The following EXTL3 variants were observed in gnomAD, a reference collection of about 807,000 sequenced individuals.
EXTL3 encodes the protein exostosin-like 3.
Under a neutral mutation model 69.3 loss-of-function variants are expected in EXTL3, and 27 were observed. The observed-to-expected ratio is 0.39, with a 90% CI of 0.29 to 0.54. The LOEUF (loss-of-function observed/expected upper bound fraction) is 0.54. Ranked by LOEUF, EXTL3 falls within the 20% of genes least tolerant of loss-of-function variation. The pLI is 0.69. For synonymous variants in EXTL3, 511 were observed against 499.4 expected (o/e 1.02, Z -0.31); for missense variants, 1,003 against 1,231.8 (o/e 0.81, Z 2.78).
chr8:28,724,830 CTCTT>C (rs1801377116), intron 3 of EXTL3, among the ~76,000 whole-genome samples: 1 of 151,960 alleles, frequency 6.6e-6, no homozygotes, highest in Admixed American at 6.6e-5. Context: ...TGATGTAGTC[CTCTT>C]TCTATCATCT....
In EXTL3 at chr8:28,747,734, T is replaced by C. The variant is rs188849522; in HGVS notation, c.2551-2923T>C. Among the ~76,000 whole-genome samples the C allele has an allele frequency of 8.3e-3, 1,178 of 142,636 alleles. 15 individuals carry two copies. The highest frequency in any genetic ancestry group is 0.028 in the African/African-American group (1,139 of 39,974). 93.6% of individuals were successfully genotyped at this position (142,636 alleles called of 152,430 possible). A position where few individuals can be genotyped will look rare whatever the true frequency, so the allele number is the denominator to read the frequency against. On this transcript the variant is annotated intron_variant, in intron 6 of 6. Transcript: ENST00000220562. ...ATATGTATTTTTTCTTTTTCTTTTT[T>C]TTTTTTTTTTTTGAGATGGAGCCTC... is the stretch of plus-strand genomic sequence containing the variant.
intron 2 of EXTL3, among the ~76,000 whole-genome samples, chr8:28,608,425 A>G (rs1426467042): frequency 1.3e-5 from 2 of 152,152 alleles, no homozygotes; most frequent in Non-Finnish European, 2.9e-5. Flanking sequence ...GTTGGAATTC[A>G]GTCTTTGATT....
rs1209716217 is a variant in EXTL3 at position 28,716,718 on chromosome 8, C to T, written c.659C>T (p.Ala220Val). Residue 220 changes from alanine (A) to valine (V), a missense_variant, in exon 3 of 7, where the codon GCG (alanine) becomes GTG (valine). Physicochemically the swap from Ala to Val is moderately conservative, Grantham distance 64. Around this residue, in one of 2 missense-constraint regions of EXTL3, gnomAD observed 742 missense variants for 815.4 expected, o/e 0.91. Coordinates refer to ENST00000220562, the MANE Select transcript of EXTL3 (RefSeq NM_001440.4). The surrounding 1 kb of genome is among the most constrained non-coding windows in gnomAD (Gnocchi z 7.1). The part of the protein sequence containing the change: ...LDPLVKQAFQ[A>V]TARANVYVTE... ...CCCTTGGTCAAGCAGGCTTTTCAGG[C>T]GACAGCACGAGCTAACGTTTATGTT... 6.2e-6 allele frequency: 10 copies of T among 1,614,080 alleles called. No individual in the cohort carries two copies. The highest frequency in any genetic ancestry group is 2.2e-5 in the East Asian group (1 of 44,888).
At position 28,751,774 on chromosome 8, in the gene EXTL3, C is replaced by A. The variant is rs1358493593; in HGVS notation, c.*908C>A. The A allele has an allele frequency of 6.6e-6, 1 of 152,298 alleles. No homozygotes were observed. The allele number at this position is 152,298 out of a possible 1,614,324, so 9.4% of individuals were successfully genotyped here. A position where few individuals can be genotyped will look rare whatever the true frequency, so the allele number is the denominator to read the frequency against. On this transcript the variant is annotated 3_prime_UTR_variant, in exon 7 of 7. Transcript: ENST00000220562. ...AGATGGCTCTTTCTATCCTGCTCTTCTGTTGAAACACACGTGCTGTGGGCC... is the reference window on the plus strand; with the variant it reads ...AGATGGCTCTTTCTATCCTGCTCTTATGTTGAAACACACGTGCTGTGGGCC...
intron 1 of EXTL3, among the ~76,000 whole-genome samples, chr8:28,680,114 G>A (rs1018032476): frequency 2.0e-5 from 3 of 151,000 alleles, no homozygotes; most frequent in South Asian, 2.1e-4. Context: ...TTCCTCAGCC[G>A]GGCTCGGTGG....
At chr8:28,666,412 G>A (rs1304385900) in intron 1 of EXTL3, among the ~76,000 whole-genome samples, 1 of 151,964 alleles carries the variant, frequency 6.6e-6, no homozygotes, top group African/African-American at 2.4e-5. Flanking sequence ...TGAATAGCTG[G>A]GACCATGGGC....
intron 1 of EXTL3, among the ~76,000 whole-genome samples, chr8:28,641,098 C>T (rs554567209): frequency 1.8e-4 from 28 of 152,298 alleles, no homozygotes; most frequent in African/African-American, 6.0e-4. Flanking sequence ...CTGTGCTCCA[C>T]GGGTCGGGTT....
At chr8:28,726,943 A>G (rs948182301) in intron 3 of EXTL3, among the ~76,000 whole-genome samples, 14 of 143,460 alleles carry the variant, frequency 9.8e-5, no homozygotes, top group Non-Finnish European at 1.5e-4. Flanking sequence ...CAGTGGTGCA[A>G]TCTTGGCTCA....
chr8:28,705,647 C>T (rs578262267), intron 1 of EXTL3, among the ~76,000 whole-genome samples: 3 of 152,074 alleles, frequency 2.0e-5, no homozygotes, highest in South Asian at 4.2e-4. Flanking sequence ...GCCCAGGGCA[C>T]TAACGATATC....
chr8:28,734,425 C>G (rs1801603768), intron 4 of EXTL3, among the ~76,000 whole-genome samples: 2 of 152,130 alleles, frequency 1.3e-5, no homozygotes, highest in Non-Finnish European at 2.9e-5. Flanking sequence ...TTGAAAACCA[C>G]TGGAGGCCGG....
rs1453238174 is a variant in EXTL3, at chr8:28,702,380, T to TC, written c.-570+723dup. Among the ~76,000 whole-genome samples, 10 of 152,220 alleles carry TC rather than the reference T, an allele frequency of 6.6e-5. 1 individual carries two copies. Among genetic ancestry groups the TC allele is most frequent in the African/African-American group, 2.4e-4 (10 of 41,542 alleles). The stretch of plus-strand genomic sequence containing the variant: ...GCGGGGCGTGTGTGCGCGGCGGAGC[T>TC]CCGAGCCCAGCGACGGGGACAGCAC... On this transcript the variant is annotated intron_variant, in intron 1 of 6. Coordinates refer to ENST00000220562, the MANE Select transcript of EXTL3 (RefSeq NM_001440.4).
chr8:28,671,408 A>G (rs952914404), intron 1 of EXTL3, among the ~76,000 whole-genome samples: 25 of 144,564 alleles, frequency 1.7e-4, no homozygotes, highest in African/African-American at 6.4e-4. Flanking sequence ...GCAACCTCTC[A>G]AGATTTCGGC....
upstream of EXTL3, among the ~76,000 whole-genome samples, chr8:28,620,295 C>T (rs1806394008): frequency 6.6e-6 from 1 of 152,152 alleles, no homozygotes; most frequent in South Asian, 2.1e-4. Flanking sequence ...GCCAGTGCTT[C>T]CTAACATTGT....
At chr8:28,686,989 G>T (rs929625801) in intron 1 of EXTL3, among the ~76,000 whole-genome samples, 1 of 152,154 alleles carries the variant, frequency 6.6e-6, no homozygotes, top group African/African-American at 2.4e-5. Flanking sequence ...ATACAGTGGG[G>T]TCATGTAGGA....
At chr8:28,609,985 C>T (rs1386451488) in intron 2 of EXTL3, among the ~76,000 whole-genome samples, 2 of 151,488 alleles carry the variant, frequency 1.3e-5, no homozygotes, top group African/African-American at 2.4e-5. Context: ...AGGTGGATCA[C>T]CTGCGGTCAG....
At chr8:28,743,281 C>T in intron 6 of EXTL3, 67 bp downstream of exon 6, 1 of 1,548,998 alleles carries the variant, frequency 6.5e-7, no homozygotes, top group East Asian at 2.2e-5. Flanking sequence ...TGCAGTAGTG[C>T]AGCACGTAAC....
intron 1 of EXTL3, among the ~76,000 whole-genome samples, chr8:28,702,949 G>C (rs1800842950): frequency 6.6e-6 from 1 of 152,202 alleles, no homozygotes; most frequent in Admixed American, 6.5e-5. Context: ...GATAGTAACT[G>C]CGGGGCACAG....
At chr8:28,686,379 G>C (rs1024639786) in intron 1 of EXTL3, among the ~76,000 whole-genome samples, 1 of 151,694 alleles carries the variant, frequency 6.6e-6, no homozygotes, top group African/African-American at 2.4e-5. Context: ...CTTAAGAATA[G>C]GTATCACCCT....
chr8:28,667,859 A>T (rs991670003), intron 1 of EXTL3, among the ~76,000 whole-genome samples: 14 of 131,578 alleles, frequency 1.1e-4, no homozygotes, highest in Non-Finnish European at 1.7e-4. Flanking sequence ...ATTAAAGTAT[A>T]AAAAAAAAAA....
Sources: gnomAD v4.1 joint callset for allele counts (sites outside exome capture counted in the v4.1 genomes callset) on GRCh38, gnomAD v4.1.1 for gene constraint, gnomAD v4.1.1 regional missense constraint, Gnocchi (gnomAD v3.1) non-coding constraint, MANE v1.5 for transcripts, NCBI Gene and HGNC (gene_info 2026-07-23, HGNC 2026-07-21) for gene names.